The following PPME1 variants were observed in gnomAD, a reference collection of about 807,000 sequenced individuals.
PPME1 encodes testicular secretory protein Li 39.
PPME1 carries 17 observed loss-of-function variants against 56.9 expected under a neutral mutation model. That is an observed-to-expected ratio of 0.30 (90% CI 0.20 to 0.45). The LOEUF (loss-of-function observed/expected upper bound fraction) is 0.45. Among genes scored for constraint, PPME1 ranks in the 20% least tolerant of loss-of-function variants. The probability of loss-of-function intolerance (pLI) is 1.00; values close to 1 mark genes in which losing one functional copy is unlikely to be tolerated. For missense variants in PPME1, 357 were observed against 483.2 expected (o/e 0.74, Z 2.45); for synonymous variants, 122 against 156.2 (o/e 0.78, Z 1.63).
At chr11:74,212,331 A>G (rs933523706) in intron 3 of PPME1, among the ~76,000 whole-genome samples, 12 of 152,186 alleles carry the variant, frequency 7.9e-5, no homozygotes, top group African/African-American at 1.7e-4. Flanking sequence ...GAGGTGAATT[A>G]CCCATTCCAG....
intron 10 of PPME1, 54 bp downstream of exon 10, chr11:74,246,259 A>G (rs1859500168): frequency 6.2e-6 from 9 of 1,444,024 alleles, no homozygotes; most frequent in Middle Eastern, 3.5e-4. Context: ...ACCAAATATC[A>G]TAGACTGAGT....
intron 1 of PPME1, among the ~76,000 whole-genome samples, chr11:74,202,476 T>C (rs531812209): frequency 3.2e-4 from 48 of 152,326 alleles, no homozygotes; most frequent in African/African-American, 1.1e-3. Context: ...TCCAGTATTA[T>C]AGTCAACTAG....
intron 3 of PPME1, among the ~76,000 whole-genome samples, chr11:74,214,059 C>G (rs1009297597): frequency 6.6e-6 from 1 of 152,124 alleles, no homozygotes; most frequent in African/African-American, 2.4e-5. Flanking sequence ...TTCAAAATAG[C>G]TGTTTTGAGG....
At chr11:74,176,879 C>T (rs1484712885) in intron 1 of PPME1, among the ~76,000 whole-genome samples, 2 of 151,574 alleles carry the variant, frequency 1.3e-5, no homozygotes, top group African/African-American at 2.4e-5. Flanking sequence ...TACAGGCATG[C>T]ACCACCACAC....
chr11:74,177,290 T>C (rs1857423039), intron 1 of PPME1, among the ~76,000 whole-genome samples: 1 of 151,962 alleles, frequency 6.6e-6, no homozygotes, highest in South Asian at 2.1e-4. Flanking sequence ...GTGAAACCTC[T>C]TCTCTACAAA....
At chr11:74,251,826 A>C (rs1213084509) in intron 13 of PPME1, 111 bp downstream of exon 13, 5 of 1,343,302 alleles carry the variant, frequency 3.7e-6, no homozygotes, top group Non-Finnish European at 5.3e-6. Context: ...TTTGGTCACC[A>C]TGCCTTTCTT....
chr11:74,217,541 CAAAAAAAAAAAA>C (rs61139169), intron 3 of PPME1, among the ~76,000 whole-genome samples: 72 of 79,004 alleles, frequency 9.1e-4, no homozygotes, highest in African/African-American at 3.4e-3. Context: ...GACTCCGTCT[CAAAAAAAAAAAA>C]AAAAAAAAAA....
chr11:74,183,059 G>T (rs1591016340), intron 1 of PPME1, among the ~76,000 whole-genome samples: 1 of 151,892 alleles, frequency 6.6e-6, no homozygotes, highest in East Asian at 1.9e-4. Context: ...CACTTTTGGA[G>T]TTCGAGGTGG....
chr11:74,242,424 C>A (rs1330585233), intron 9 of PPME1, among the ~76,000 whole-genome samples: 2 of 152,136 alleles, frequency 1.3e-5, no homozygotes, highest in African/African-American at 4.8e-5. Context: ...AGTCCTCCAA[C>A]TTTGTTCTTC....
At chr11:74,236,861 G>T (rs1470598703) in intron 8 of PPME1, among the ~76,000 whole-genome samples, 1 of 151,964 alleles carries the variant, frequency 6.6e-6, no homozygotes, top group Non-Finnish European at 1.5e-5. Flanking sequence ...ATTATTACAC[G>T]TAAAAAAATT....
chr11:74,181,974 C>G (rs1427922467), intron 1 of PPME1, among the ~76,000 whole-genome samples: 2 of 152,204 alleles, frequency 1.3e-5, no homozygotes, highest in African/African-American at 4.8e-5. Flanking sequence ...CTCTTCTCCC[C>G]CTGCCCTCCA....
In PPME1 at chr11:74,251,772, G is replaced by A. The variant is rs771069880; in HGVS notation, c.1142+57G>A. ...CAGTGCTGGCCGAATCTGACAAGCAGACACTTGTAGGACTGTAAATATCTC... is the reference window on the plus strand; with the variant it reads ...CAGTGCTGGCCGAATCTGACAAGCAAACACTTGTAGGACTGTAAATATCTC... On this transcript the variant is annotated intron_variant, in intron 13 of 13. Coordinates refer to ENST00000328257, the MANE Select transcript of PPME1 (RefSeq NM_016147.3). 9.4e-5 allele frequency: 150 copies of A among 1,590,404 alleles called. 2 individuals are homozygous for A. The highest frequency in any genetic ancestry group is 5.0e-5 in the Admixed American group (3 of 59,976).
intron 9 of PPME1, 115 bp downstream of exon 9, chr11:74,239,371 G>C (rs564783496): frequency 1.4e-6 from 2 of 1,437,786 alleles, no homozygotes; most frequent in East Asian, 4.8e-5. Flanking sequence ...ATTTTAGGGA[G>C]CCAAGACACT....
At chr11:74,196,674 A>G (rs552515626) in intron 1 of PPME1, among the ~76,000 whole-genome samples, 20 of 152,300 alleles carry the variant, frequency 1.3e-4, no homozygotes, top group South Asian at 4.1e-4. Flanking sequence ...CAGCTACTCC[A>G]TAGACAGAGT....
chr11:74,251,146 G>A (rs4489773), intron 12 of PPME1, 128 bp downstream of exon 12: 49,911 of 1,490,990 alleles, frequency 0.033, 4,253 homozygotes, highest in African/African-American at 0.33. Flanking sequence ...TGCAGATGCA[G>A]TTCCACCAGC....
chr11:74,233,236 C>A (rs1488115115), intron 7 of PPME1, among the ~76,000 whole-genome samples: 1 of 152,084 alleles, frequency 6.6e-6, no homozygotes, highest in Admixed American at 6.5e-5. Flanking sequence ...AGTCTTGTTT[C>A]TTTTGCCAGA....
intron 1 of PPME1, among the ~76,000 whole-genome samples, chr11:74,190,851 T>G (rs1360255689): frequency 6.6e-6 from 1 of 151,556 alleles, no homozygotes; most frequent in Non-Finnish European, 1.5e-5. Flanking sequence ...AAATGAGGAG[T>G]TTATTGGGAA....
chr11:74,184,553 T>C (rs920023738), intron 1 of PPME1, among the ~76,000 whole-genome samples: 3 of 152,194 alleles, frequency 2.0e-5, no homozygotes, highest in Non-Finnish European at 4.4e-5. Flanking sequence ...CCTAACCAGA[T>C]TGATGTTTAG....
Position 74,216,479 on chromosome 11 carries a change from A to G in PPME1, c.289-5833A>G, listed in dbSNP as rs570879944. ...AACACAACATACCAAAGCCTGTGAG[A>G]TACAGTGAAAGCCATACTAAAAGGA... On this transcript the variant is annotated intron_variant, in intron 3 of 13. Coordinates refer to ENST00000328257, the MANE Select transcript of PPME1 (RefSeq NM_016147.3). Among the ~76,000 whole-genome samples, 14 of 152,280 alleles carry G rather than the reference A, an allele frequency of 9.2e-5. No individual in the cohort carries two copies. The South Asian group carries it at 2.5e-3, about 27-fold the overall frequency.
Sources: allele counts gnomAD v4.1 joint callset (sites outside exome capture counted in the v4.1 genomes callset), GRCh38; gene constraint gnomAD v4.1.1; transcripts MANE v1.5; gene names NCBI Gene and HGNC (gene_info 2026-07-23, HGNC 2026-07-21).